Variants in PDE4D observed in about 807,000 individuals in gnomAD.
The protein encoded by PDE4D is 3',5'-cyclic-AMP phosphodiesterase 4D.
A neutral mutation model predicts 87.4 loss-of-function variants in PDE4D; 24 were observed. The observed-to-expected ratio is 0.27, with a 90% CI of 0.20 to 0.39. The LOEUF is 0.39. Ranked by LOEUF, PDE4D falls within the 10% of genes least tolerant of loss-of-function variation. PDE4D has a pLI of 1.00. For synonymous variants in PDE4D, 384 were observed against 383.2 expected (o/e 1.00, Z -0.02); for missense variants, 714 against 1,041.0 (o/e 0.69, Z 4.32).
chr5:59,032,574 T>C (rs1757763787), intron 6 of PDE4D, among the ~76,000 whole-genome samples: 1 of 152,208 alleles, frequency 6.6e-6, no homozygotes, highest in South Asian at 2.1e-4. Flanking sequence ...CGAGACTCTG[T>C]CTCAAAAATG....
At chr5:59,908,547 A>G (rs531570976) in intron 3 of PDE4D, among the ~76,000 whole-genome samples, 1 of 152,306 alleles carries the variant, frequency 6.6e-6, no homozygotes, top group East Asian at 1.9e-4. Context: ...ACCTAGCCAT[A>G]ATAACCTCCT....
intron 1 of PDE4D, among the ~76,000 whole-genome samples, chr5:60,185,887 A>G (rs574077577): frequency 1.4e-4 from 21 of 151,970 alleles, no homozygotes; most frequent in Admixed American, 4.6e-4. Flanking sequence ...AGAGATTTCA[A>G]GCACCATCTG....
intron 1 of PDE4D, among the ~76,000 whole-genome samples, chr5:59,342,969 C>CTT (rs61034507): frequency 0.027 from 3,984 of 145,952 alleles, 179 homozygotes; most frequent in African/African-American, 0.094. Flanking sequence ...TAGAAATTTT[C>CTT]TTTTTTTTTT....
chr5:59,858,669 T>C (rs114729072), intron 1 of PDE4D, among the ~76,000 whole-genome samples: 9 of 152,152 alleles, frequency 5.9e-5, no homozygotes, highest in African/African-American at 1.4e-4. Flanking sequence ...AAGTTCAACA[T>C]AGATCAACCA....
chr5:59,315,746 T>C (rs1478590942), intron 1 of PDE4D, among the ~76,000 whole-genome samples: 3 of 152,132 alleles, frequency 2.0e-5, no homozygotes, highest in African/African-American at 7.2e-5. Context: ...GACCTTCCTC[T>C]GGGGGCACTA....
intron 1 of PDE4D, among the ~76,000 whole-genome samples, chr5:59,412,242 AT>A (rs1330392575): frequency 6.6e-6 from 1 of 152,000 alleles, no homozygotes; most frequent in Non-Finnish European, 1.5e-5. Flanking sequence ...TTGTACTTTT[AT>A]TTTTTTTAAG....
At chr5:60,292,989 T>C (rs1158927788) in intron 1 of PDE4D, among the ~76,000 whole-genome samples, 2 of 151,982 alleles carry the variant, frequency 1.3e-5, no homozygotes, top group African/African-American at 4.8e-5. Flanking sequence ...TATGAAATAT[T>C]TATTTTCAAG....
rs183740131 is a variant in PDE4D, at chr5:60,148,165, T to C, written c.42+37392A>G. Among the ~76,000 whole-genome samples the C allele has an allele frequency of 2.0e-5, 3 of 152,260 alleles. No homozygotes were observed. The East Asian group carries it at 5.8e-4, about 29-fold the overall frequency. On this transcript the variant is annotated intron_variant, in intron 2 of 16. Transcript: ENST00000502484. ...GTTTATTACCCCCACCAAGCAGTAG[T>C]TCCTAACTTTTTTGGGGGTGGGGCA...
intron 5 of PDE4D, among the ~76,000 whole-genome samples, chr5:59,047,486 G>C (rs1359513112): frequency 1.3e-5 from 2 of 152,136 alleles, no homozygotes; most frequent in Non-Finnish European, 2.9e-5. Context: ...TCTAAGTGAG[G>C]AAGTCACATG....
chr5:59,294,217 T>C (rs1768602078), intron 1 of PDE4D, among the ~76,000 whole-genome samples: 1 of 152,084 alleles, frequency 6.6e-6, no homozygotes, highest in African/African-American at 2.4e-5. Flanking sequence ...CTAAGAATCA[T>C]TTAAGGGAAT....
intron 1 of PDE4D, among the ~76,000 whole-genome samples, chr5:60,230,949 C>T (rs1745735617): frequency 6.6e-6 from 1 of 152,048 alleles, no homozygotes; most frequent in Admixed American, 6.6e-5. Context: ...GCTTTCTTCG[C>T]TGATCTCTCA....
intron 2 of PDE4D, among the ~76,000 whole-genome samples, chr5:60,146,023 G>A (rs1482246629): frequency 1.3e-5 from 2 of 152,144 alleles, no homozygotes; most frequent in Admixed American, 1.3e-4. Context: ...AGCCCACCCT[G>A]TGCAACACGG....
intron 1 of PDE4D, among the ~76,000 whole-genome samples, chr5:59,311,970 A>C (rs926730453): frequency 3.3e-5 from 5 of 152,112 alleles, no homozygotes; most frequent in African/African-American, 4.8e-5. Flanking sequence ...CAGAAGCCAA[A>C]AGGAAAAACT....
At chr5:59,546,919 A>T (rs921767277) in intron 1 of PDE4D, among the ~76,000 whole-genome samples, 2 of 152,160 alleles carry the variant, frequency 1.3e-5, no homozygotes, top group African/African-American at 4.8e-5. Flanking sequence ...AACTTTACTC[A>T]GTTACTAAAA....
rs531012060 is a variant in PDE4D, at chr5:59,290,551, C to T, written c.456-74583G>A. Among the ~76,000 whole-genome samples the T allele has an allele frequency of 3.3e-5, 5 of 152,062 alleles. No homozygotes were observed. In the South Asian group the frequency reaches 1.0e-3, roughly 32 times the overall value. On this transcript the variant is annotated intron_variant, in intron 1 of 14. Transcript: ENST00000340635. ...TTAAGTAATACCCTACAAGCATAGG[C>T]AACCAAAGCAAAAATGGACAAATGG...
Position 59,031,398 on chromosome 5 carries a change from A to G in PDE4D, c.921+7461T>C, listed in dbSNP as rs1427269378. Among the ~76,000 whole-genome samples, 16 of 95,234 alleles carry G rather than the reference A, an allele frequency of 1.7e-4. No individual in the cohort carries two copies. In the East Asian group the frequency reaches 0.012, roughly 69 times the overall value. The allele number at this position is 95,234 out of a possible 152,430, so 62.5% of individuals were successfully genotyped here. ...ATATATATATATATATATATTATAT[A>G]TATATATATATATATATAGATTATA... On this transcript the variant is annotated intron_variant, in intron 6 of 14. Coordinates refer to ENST00000340635, the MANE Select transcript of PDE4D (RefSeq NM_001104631.2).
intron 1 of PDE4D, among the ~76,000 whole-genome samples, chr5:59,625,964 TG>T (rs1830854356): frequency 6.6e-6 from 1 of 152,176 alleles, no homozygotes; most frequent in African/African-American, 2.4e-5. Context: ...GGCGGGCGCC[TG>T]TAGTCCCAGC....
At chr5:60,408,422 A>C (rs1222347433) in intron 1 of PDE4D, among the ~76,000 whole-genome samples, 4 of 152,206 alleles carry the variant, frequency 2.6e-5, no homozygotes. Flanking sequence ...AAATTTCCAC[A>C]TAAGCCATTG....
At chr5:59,644,179 C>G (rs1742074912) in intron 1 of PDE4D, among the ~76,000 whole-genome samples, 1 of 152,152 alleles carries the variant, frequency 6.6e-6, no homozygotes. Context: ...TGCATGTTCT[C>G]TGAATCAGCA....
Sources: allele counts gnomAD v4.1 joint callset (sites outside exome capture counted in the v4.1 genomes callset), GRCh38; gene constraint gnomAD v4.1.1; transcripts MANE v1.5; gene names NCBI Gene and HGNC (gene_info 2026-07-23, HGNC 2026-07-21).